The following SPTAN1 variants were observed in gnomAD, a reference collection of about 807,000 sequenced individuals.
The protein encoded by SPTAN1 is spectrin alpha, non-erythrocytic 1, also known as spectrin alpha chain, non-erythrocytic 1.
In SPTAN1, 61 loss-of-function variants were observed where a neutral mutation model predicts 331.3. The ratio of observed to expected loss-of-function variants is 0.18; its 90% CI spans 0.15 to 0.23. SPTAN1 has a LOEUF of 0.23. Ranked by LOEUF, SPTAN1 falls within the 10% of genes least tolerant of loss-of-function variation. The pLI is 1.00. For missense variants in SPTAN1, 2,043 were observed against 3,147.9 expected (o/e 0.65, Z 8.40); for synonymous variants, 1,153 against 1,173.9 (o/e 0.98, Z 0.36).
At chr9:128,632,515 T>G in intron 54 of SPTAN1, 31 bp downstream of exon 54, 4 of 1,613,988 alleles carry the variant, frequency 2.5e-6, no homozygotes, top group Non-Finnish European at 3.4e-6. Flanking sequence ...CCTGGCTGGG[T>G]GGGGGGTGTT....
intron 45 of SPTAN1, among the ~76,000 whole-genome samples, chr9:128,624,017 A>T (rs1240396516): frequency 7.5e-6 from 1 of 132,718 alleles, no homozygotes. Context: ...CGGGAGGCGG[A>T]GGTTGCAGTG....
At chr9:128,559,788 G>A (rs1849081439) in intron 1 of SPTAN1, among the ~76,000 whole-genome samples, 1 of 150,746 alleles carries the variant, frequency 6.6e-6, no homozygotes, top group Non-Finnish European at 1.5e-5. Flanking sequence ...AGGCTAGAGT[G>A]CAGTGGTGCG....
intron 42 of SPTAN1, 99 bp from the exon 43 acceptor site, chr9:128,617,888 G>C: frequency 2.5e-6 from 4 of 1,612,562 alleles, no homozygotes; most frequent in Non-Finnish European, 3.4e-6. Flanking sequence ...CAAACCTGGA[G>C]AAGTCCCAAA....
At chr9:128,593,463 G>T in intron 23 of SPTAN1, 1 of 201,700 alleles carries the variant, frequency 5.0e-6, no homozygotes, top group Middle Eastern at 2.2e-3. Context: ...GATGATTCTA[G>T]TTTTTTTTAA....
At chr9:128,619,111 C>T in intron 44 of SPTAN1, 108 bp downstream of exon 44, 1 of 1,514,600 alleles carries the variant, frequency 6.6e-7, no homozygotes, top group Non-Finnish European at 9.0e-7. Context: ...TAGGAGAGCA[C>T]ACAGGGCCAG....
At chr9:128,599,169 CTG>C in intron 26 of SPTAN1, 183 bp downstream of exon 26, 1 of 679,852 alleles carries the variant, frequency 1.5e-6, no homozygotes, top group Non-Finnish European at 2.7e-6. Context: ...GAGTCTCACT[CTG>C]TCAACCAGGC....
intron 23 of SPTAN1, 67 bp downstream of exon 23, chr9:128,593,109 G>A (rs761966553): frequency 2.3e-5 from 35 of 1,515,460 alleles, no homozygotes; most frequent in Non-Finnish European, 2.4e-5. Context: ...TCCCTCTGCC[G>A]CTTCTCTTGA....
chr9:128,611,496 C>G, intron 37 of SPTAN1: 1 of 562,028 alleles, frequency 1.8e-6, no homozygotes, highest in Non-Finnish European at 3.2e-6. Context: ...AGTTCATCTA[C>G]TCCTGAGCTA....
At chr9:128,568,633 A>C (rs1158612161) in intron 2 of SPTAN1, 139 bp from the exon 3 acceptor site, 9 of 1,181,510 alleles carry the variant, frequency 7.6e-6, no homozygotes, top group Non-Finnish European at 1.1e-5. Context: ...AGCAGGTAAG[A>C]GAATGGGCAA....
chr9:128,633,004 G>A lies in SPTAN1; in HGVS notation c.7308+49G>A, dbSNP rs763258194. 6 of 1,605,460 alleles carry A rather than the reference G, an allele frequency of 3.7e-6. No homozygotes were observed. The African/African-American group carries it at 6.7e-5, about 18-fold the overall frequency. ...AAGAGGTGTCCTTTGGAAAACTAAAGCCAAATTTGTGGCAGAGCTGAGTCT... is the reference window on the plus strand; with the variant it reads ...AAGAGGTGTCCTTTGGAAAACTAAAACCAAATTTGTGGCAGAGCTGAGTCT... On this transcript the variant is annotated intron_variant, in intron 56 of 56. Coordinates refer to ENST00000372739, the MANE Select transcript of SPTAN1 (RefSeq NM_001130438.3).
intron 41 of SPTAN1, 86 bp downstream of exon 41, chr9:128,615,926 C>A: frequency 7.0e-7 from 1 of 1,431,456 alleles, no homozygotes; most frequent in Non-Finnish European, 9.7e-7. Context: ...AGTGGTGAGG[C>A]TGGAAACCCT....
chr9:128,558,542 TG>T (rs1848922749), intron 1 of SPTAN1, among the ~76,000 whole-genome samples: 2 of 152,354 alleles, frequency 1.3e-5, no homozygotes, highest in South Asian at 4.1e-4. Context: ...AAGTCGTCTC[TG>T]TTGTGGTTTT....
intron 21 of SPTAN1, among the ~76,000 whole-genome samples, chr9:128,589,898 C>G (rs770393431): frequency 1.3e-5 from 2 of 152,192 alleles, no homozygotes; most frequent in Non-Finnish European, 2.9e-5. Context: ...TTACTCCAGA[C>G]TACAAGCTAC....
At chr9:128,568,663 C>A in intron 2 of SPTAN1, 109 bp from the exon 3 acceptor site, 1 of 1,477,360 alleles carries the variant, frequency 6.8e-7, no homozygotes, top group East Asian at 2.4e-5. Context: ...TGATGTATCC[C>A]TAACTAGAGG....
At position 128,632,189 on chromosome 9, in the gene SPTAN1, C is replaced by T. The variant is rs755559513; in HGVS notation, c.6825C>T (p.Ala2275=). ...TCAAAAAGATCGAGGACCTGGGGGC[C>T]GCCATGGAGGAGGCCCTCATCCTGG... ...SQLKKIEDLG[A]AMEEALILDN... is the part of the protein sequence containing the mutation. Residue 2275 remains alanine (A), a synonymous_variant, in exon 53 of 57, where the codon GCC becomes GCT. Transcript: ENST00000372739. The T allele has an allele frequency of 2.5e-5, 40 of 1,613,486 alleles. No homozygotes were observed. The highest frequency in any genetic ancestry group is 9.3e-5 in the African/African-American group (7 of 75,040).
At chr9:128,560,589 C>T (rs1279370404) in intron 1 of SPTAN1, among the ~76,000 whole-genome samples, 1 of 149,678 alleles carries the variant, frequency 6.7e-6, no homozygotes, top group Non-Finnish European at 1.5e-5. Context: ...TCACGTTGGC[C>T]AGGCTGTTCT....
intron 46 of SPTAN1, 188 bp from the exon 47 acceptor site, chr9:128,624,915 G>A (rs1589382789): frequency 6.0e-6 from 4 of 664,652 alleles, no homozygotes; most frequent in Admixed American, 2.2e-5. Context: ...CAGGGAGCTC[G>A]TCATGGCACA....
rs142994022 is a variant in SPTAN1 at position 128,571,140 on chromosome 9, A to G, written c.363+2243A>G. Among the ~76,000 whole-genome samples the G allele has an allele frequency of 1.5e-3, 235 of 152,238 alleles. 1 individual carries two copies. Among genetic ancestry groups the G allele is most frequent in the African/African-American group, 5.3e-3 (220 of 41,530 alleles). ...TCGTCTCTACAAAAAAAATTTAAAA[A>G]TTAGTGGGGCGTGGTGGTGCACACC... On this transcript the variant is annotated intron_variant, in intron 3 of 56. Transcript: ENST00000372739.
In SPTAN1 at chr9:128,625,744, A is replaced by G. The variant is rs1858637074; in HGVS notation, c.6070-25A>G. On this transcript the variant is annotated intron_variant, in intron 47 of 56. Coordinates refer to ENST00000372739, the MANE Select transcript of SPTAN1 (RefSeq NM_001130438.3). This position sits in a 1 kb window ranked among gnomAD's most constrained non-coding sequence, Gnocchi z 4.1. The stretch of plus-strand genomic sequence containing the variant: ...GTTCCAGTCCTGTGGAGTCACCACA[A>G]ATTGGCTTGTCACTCCTTGTTCAGG... 4 of 1,611,938 alleles carry G rather than the reference A, an allele frequency of 2.5e-6. No homozygotes were observed. Among genetic ancestry groups the G allele is most frequent in the African/African-American group, 2.7e-5 (2 of 74,900 alleles).
Sources: allele counts gnomAD v4.1 joint callset (sites outside exome capture counted in the v4.1 genomes callset), GRCh38; gene constraint gnomAD v4.1.1; non-coding constraint Gnocchi (gnomAD v3.1); transcripts MANE v1.5; gene names NCBI Gene and HGNC (gene_info 2026-07-23, HGNC 2026-07-21).